Variants in NALF1 observed in about 807,000 individuals in gnomAD.
The protein encoded by NALF1 is family with sequence similarity 155 member A.
A neutral mutation model predicts 48.4 loss-of-function variants in NALF1; 3 were observed. The observed-to-expected ratio is 0.06, with a 90% CI of 0.03 to 0.16. The LOEUF (loss-of-function observed/expected upper bound fraction) is 0.16, where lower values mean the gene tolerates loss of function less well. NALF1 is among the 10% of genes least tolerant of loss of function. The pLI is 1.00. For missense variants in NALF1, 526 were observed against 571.5 expected (o/e 0.92, Z 0.81); for synonymous variants, 262 against 245.7 (o/e 1.07, Z -0.62).
chr13:107,821,784 G>C lies in NALF1; in HGVS notation c.915+43898C>G, dbSNP rs184752889. On this transcript the variant is annotated intron_variant, in intron 1 of 2. Coordinates refer to ENST00000375915, the MANE Select transcript of NALF1 (RefSeq NM_001080396.3). ...ATTAATTATGTTAACAACAAAGTAA[G>C]ATTTTAAGCGAATCACTGAATGTAT... Among the ~76,000 whole-genome samples, 3 of 152,246 alleles carry C rather than the reference G, an allele frequency of 2.0e-5. No individual in the cohort carries two copies. The East Asian group carries it at 5.8e-4, about 29-fold the overall frequency.
intron 1 of NALF1, among the ~76,000 whole-genome samples, chr13:107,574,531 C>T (rs1006627234): frequency 5.3e-5 from 8 of 152,134 alleles, no homozygotes; most frequent in African/African-American, 1.9e-4. Context: ...TGATCTTGTG[C>T]AATGAATATA....
intron 1 of NALF1, among the ~76,000 whole-genome samples, chr13:107,721,550 TTC>T (rs1347688109): frequency 1.3e-5 from 2 of 152,136 alleles, no homozygotes. Flanking sequence ...AAATCTGGCT[TTC>T]TCTCTCTCCG....
At chr13:107,756,907 G>C in intron 1 of NALF1, among the ~76,000 whole-genome samples, 1 of 152,138 alleles carries the variant, frequency 6.6e-6, no homozygotes, top group East Asian at 1.9e-4. Context: ...TACACCCATG[G>C]ATTCATGGGT....
At chr13:107,765,988 G>A (rs1877408332) in intron 1 of NALF1, among the ~76,000 whole-genome samples, 1 of 148,146 alleles carries the variant, frequency 6.8e-6, no homozygotes, top group African/African-American at 2.5e-5. Context: ...AAATAGCTAT[G>A]TTTTAGCTGT....
intron 1 of NALF1, among the ~76,000 whole-genome samples, chr13:107,612,922 T>C (rs567969697): frequency 9.2e-4 from 140 of 152,160 alleles, no homozygotes; most frequent in African/African-American, 3.3e-3. Context: ...TCACAGCCTA[T>C]TGGCTCCATT....
intron 1 of NALF1, among the ~76,000 whole-genome samples, chr13:107,213,366 G>C (rs1879807665): frequency 6.6e-6 from 1 of 151,794 alleles, no homozygotes; most frequent in South Asian, 2.1e-4. Flanking sequence ...CAGAATCCCA[G>C]ACCTTATACA....
At chr13:107,316,709 T>A (rs1882157309) in intron 1 of NALF1, among the ~76,000 whole-genome samples, 1 of 152,190 alleles carries the variant, frequency 6.6e-6, no homozygotes, top group Non-Finnish European at 1.5e-5. Flanking sequence ...TTGAGAAGTG[T>A]CTGTTCATAT....
intron 1 of NALF1, among the ~76,000 whole-genome samples, chr13:107,379,730 C>T (rs1402168409): frequency 6.6e-6 from 1 of 152,198 alleles, no homozygotes; most frequent in Non-Finnish European, 1.5e-5. Context: ...GTTTGATGAA[C>T]TCTACTCCAG....
chr13:107,635,391 T>G (rs1158058576), intron 1 of NALF1, among the ~76,000 whole-genome samples: 1 of 151,806 alleles, frequency 6.6e-6, no homozygotes, highest in Non-Finnish European at 1.5e-5. Context: ...TTAAAAAAAA[T>G]CAGATCTCTT....
At chr13:107,530,254 G>A (rs1876584246) in intron 1 of NALF1, among the ~76,000 whole-genome samples, 1 of 152,030 alleles carries the variant, frequency 6.6e-6, no homozygotes, top group South Asian at 2.1e-4. Flanking sequence ...CTCCATCCTA[G>A]CAAGATAGTC....
chr13:107,574,592 C>A (rs1187940434), intron 1 of NALF1, among the ~76,000 whole-genome samples: 28 of 152,186 alleles, frequency 1.8e-4, no homozygotes, highest in Admixed American at 1.8e-3. Flanking sequence ...GCATTAAAAG[C>A]ACTTACTGGA....
intron 1 of NALF1, among the ~76,000 whole-genome samples, chr13:107,643,375 C>T (rs1452628766): frequency 6.6e-6 from 1 of 152,044 alleles, no homozygotes; most frequent in Non-Finnish European, 1.5e-5. Context: ...GGCTAGCAAC[C>T]ATAGTTTAAT....
intron 1 of NALF1, among the ~76,000 whole-genome samples, chr13:107,691,378 G>A (rs767239799): frequency 4.6e-5 from 7 of 152,178 alleles, no homozygotes; most frequent in African/African-American, 1.2e-4. Context: ...CGCTACAGCA[G>A]CCCTAGGAAA....
intron 1 of NALF1, among the ~76,000 whole-genome samples, chr13:107,500,620 C>T (rs1364820760): frequency 1.3e-5 from 2 of 150,708 alleles, no homozygotes; most frequent in Middle Eastern, 3.2e-3. Context: ...ACCCAAAGGA[C>T]TATAAATCAT....
chr13:107,189,626 C>T (rs921112424), intron 2 of NALF1, among the ~76,000 whole-genome samples: 6 of 152,276 alleles, frequency 3.9e-5, no homozygotes, highest in African/African-American at 1.4e-4. Flanking sequence ...TGTGTCTTTC[C>T]TTCCTACTCT....
At chr13:107,213,473 G>A (rs1879810042) in intron 1 of NALF1, among the ~76,000 whole-genome samples, 1 of 152,052 alleles carries the variant, frequency 6.6e-6, no homozygotes, top group Non-Finnish European at 1.5e-5. Context: ...CCTCATTTGA[G>A]TATTAAATAT....
At chr13:107,259,215 C>A (rs1055853260) in intron 1 of NALF1, among the ~76,000 whole-genome samples, 1 of 152,102 alleles carries the variant, frequency 6.6e-6, no homozygotes, top group African/African-American at 2.4e-5. Flanking sequence ...GATGTAAAGT[C>A]TTTTTCTTTA....
At chr13:107,620,872 T>G (rs1430567042) in intron 1 of NALF1, among the ~76,000 whole-genome samples, 1 of 152,236 alleles carries the variant, frequency 6.6e-6, no homozygotes, top group African/African-American at 2.4e-5. Context: ...CTTATCCCAG[T>G]TGATCACTAT....
intron 1 of NALF1, among the ~76,000 whole-genome samples, chr13:107,861,281 T>A (rs1448524594): frequency 5.3e-5 from 8 of 152,224 alleles, no homozygotes; most frequent in Non-Finnish European, 1.2e-4. Flanking sequence ...GTCATCTGCA[T>A]GGTCAGACTG....
Sources: gnomAD v4.1 joint callset for allele counts (sites outside exome capture counted in the v4.1 genomes callset) on GRCh38, gnomAD v4.1.1 for gene constraint, MANE v1.5 for transcripts, NCBI Gene and HGNC (gene_info 2026-07-23, HGNC 2026-07-21) for gene names.